Variants in SYT7 observed in about 807,000 individuals in gnomAD.
SYT7 encodes the protein synaptotagmin 7.
SYT7 carries 29 observed loss-of-function variants against 75.1 expected under a neutral mutation model. The ratio of observed to expected loss-of-function variants is 0.39; its 90% CI spans 0.29 to 0.53. SYT7 has a LOEUF of 0.53. Among genes scored for constraint, SYT7 ranks in the 20% least tolerant of loss-of-function variants. The pLI, the probability that SYT7 is intolerant of heterozygous loss-of-function variation, is 0.77. For missense variants in SYT7, 693 were observed against 953.2 expected (o/e 0.73, Z 3.59); for synonymous variants, 376 against 401.7 (o/e 0.94, Z 0.76).
At chr11:61,543,582 G>T (rs1017136478) in intron 5 of SYT7, among the ~76,000 whole-genome samples, 2 of 152,202 alleles carry the variant, frequency 1.3e-5, no homozygotes, top group Admixed American at 6.5e-5. Context: ...ACCTCTCTGG[G>T]CCTCAGTTTC....
rs573523638 is a variant in SYT7, at chr11:61,524,760, G to A, written c.1472-228C>T. On this transcript the variant is annotated intron_variant, in intron 9 of 12. Transcript: ENST00000539008. This position sits in a 1 kb window ranked among gnomAD's most constrained non-coding sequence, Gnocchi z 4.1. ...AATTCTCCAAGGTGAATGGCATCTC[G>A]TCCATCTTACAGATGAGGCTCAGAC... 2.3e-5 allele frequency: 11 copies of A among 484,856 alleles called. No individual in the cohort carries two copies. The highest frequency in any genetic ancestry group is 6.0e-5 in the African/African-American group (3 of 50,070). 30.0% of individuals were successfully genotyped at this position (484,856 alleles called of 1,614,324 possible).
At chr11:61,548,678 C>A (rs1203289576) in intron 3 of SYT7, among the ~76,000 whole-genome samples, 1 of 152,100 alleles carries the variant, frequency 6.6e-6, no homozygotes, top group Non-Finnish European at 1.5e-5. Flanking sequence ...CACACCCCAC[C>A]CCCCAGGATC....
rs947830754 is a variant in SYT7 at position 61,513,861 on chromosome 11, T to C, written c.*4766A>G. 3.3e-5 allele frequency among the ~76,000 whole-genome samples: 5 copies of C among 152,188 alleles called. No individual in the cohort carries two copies. In the East Asian group the frequency reaches 7.7e-4, roughly 23 times the overall value. On this transcript the variant is annotated 3_prime_UTR_variant, in exon 13 of 13. Transcript: ENST00000539008. ...ACACAGACACGGGGAGCGGGGCGTC[T>C]TCACGGGAAACAGATGGTCTGGGGA...
Position 61,556,130 on chromosome 11 carries a change from G to T in SYT7, c.109C>A (p.Leu37Ile). 1 of 1,613,992 alleles carries T rather than the reference G, an allele frequency of 6.2e-7. No homozygotes were observed. The highest frequency in any genetic ancestry group is 8.5e-7 in the Non-Finnish European group (1 of 1,179,956). ...SLSVTVVLCG[L>I]CHWCQRKLGK... ...AGTTTGCGCTGACACCAGTGGCAGAGGCCGCAGAGGACGACAGTGACGCTA... is the reference window on the plus strand; with the variant it reads ...AGTTTGCGCTGACACCAGTGGCAGATGCCGCAGAGGACGACAGTGACGCTA... Residue 37 changes from leucine (L) to isoleucine (I), a missense_variant, in exon 2 of 13, where the codon CTC becomes ATC. Leu to Ile is a conservative substitution (Grantham distance 5). Around this residue, in one of 2 missense-constraint regions of SYT7, gnomAD observed 487 missense variants for 593.2 expected, o/e 0.82. Transcript: ENST00000539008.
At chr11:61,541,147 G>A (rs576300892) in intron 6 of SYT7, 81 of 985,482 alleles carry the variant, frequency 8.2e-5, no homozygotes, top group African/African-American at 1.0e-4. Context: ...AGGATGCTCC[G>A]AGGAACTTGC....
At chr11:61,519,966 G>A (rs907614600) in intron 12 of SYT7, among the ~76,000 whole-genome samples, 1 of 151,904 alleles carries the variant, frequency 6.6e-6, no homozygotes, top group East Asian at 1.9e-4. Flanking sequence ...GATTACAGGC[G>A]CCCGCCACCA....
intron 8 of SYT7, among the ~76,000 whole-genome samples, chr11:61,532,188 A>G (rs2062733335): frequency 6.6e-6 from 1 of 152,192 alleles, no homozygotes; most frequent in Non-Finnish European, 1.5e-5. Flanking sequence ...GTCCCAGGTC[A>G]AGTCCAGTAG....
rs754643485 is a variant in SYT7, at chr11:61,524,387, A to G, written c.1617T>C (p.Asp539=). The G allele has an allele frequency of 8.7e-6, 14 of 1,614,120 alleles. No individual in the cohort carries two copies. The highest frequency in any genetic ancestry group is 1.2e-5 in the Non-Finnish European group (14 of 1,179,976). Residue 539 remains aspartate (D), a synonymous_variant, in exon 10 of 13, where the codon GAT becomes GAC. Transcript: ENST00000539008. This position sits in a 1 kb window ranked among gnomAD's most constrained non-coding sequence, Gnocchi z 4.1. ...DLTQMQTFWK[D]LKPCSDGSGS... Reference sequence around the variant, plus strand: ...CACTCCCATCGCTGCATGGCTTCAGATCCTTCCAGAAGGTCTGCATCTGGG... The same window carrying G: ...CACTCCCATCGCTGCATGGCTTCAGGTCCTTCCAGAAGGTCTGCATCTGGG...
upstream of SYT7, among the ~76,000 whole-genome samples, chr11:61,583,460 G>C (rs1041100430): frequency 6.6e-6 from 1 of 152,220 alleles, no homozygotes; most frequent in Admixed American, 6.5e-5. Context: ...GCTGCCCCTT[G>C]CAAGTGTCAG....
At chr11:61,584,189 A>G (rs1431593744), upstream of SYT7, among the ~76,000 whole-genome samples, 1 of 152,142 alleles carries the variant, frequency 6.6e-6, no homozygotes, top group Non-Finnish European at 1.5e-5. Context: ...GGAGTTCGAG[A>G]CTAGCCTGAC....
At chr11:61,581,137 G>A, upstream of SYT7, 6 of 172,428 alleles carry the variant, frequency 3.5e-5, no homozygotes, top group Non-Finnish European at 6.7e-5. Context: ...GCGCGTGTGT[G>A]AGCGCGCCCG....
At position 61,516,600 on chromosome 11, in the gene SYT7, C is replaced by T. The variant is rs570181485; in HGVS notation, c.*2027G>A. 5 of 152,104 alleles carry T rather than the reference C, an allele frequency of 3.3e-5. No individual in the cohort carries two copies. Among genetic ancestry groups the T allele is most frequent in the African/African-American group, 7.2e-5 (3 of 41,430 alleles). The allele number at this position is 152,104 out of a possible 1,614,324, so 9.4% of individuals were successfully genotyped here. ...CCCCTCCTCCGCTCAAGACTTCCCACCACACTCTCTCCCACGTCCACGAGG... is the reference window on the plus strand; with the variant it reads ...CCCCTCCTCCGCTCAAGACTTCCCATCACACTCTCTCCCACGTCCACGAGG... On this transcript the variant is annotated 3_prime_UTR_variant, in exon 13 of 13. Transcript: ENST00000539008. This position sits in a 1 kb window ranked among gnomAD's most constrained non-coding sequence, Gnocchi z 4.6.
At chr11:61,557,150 C>G (rs2063520465) in intron 1 of SYT7, among the ~76,000 whole-genome samples, 1 of 152,142 alleles carries the variant, frequency 6.6e-6, no homozygotes, top group Non-Finnish European at 1.5e-5. Context: ...AACATTAGCC[C>G]AAACCAAATG....
At chr11:61,527,796 T>A in intron 9 of SYT7, 119 bp downstream of exon 9, 1 of 1,204,146 alleles carries the variant, frequency 8.3e-7, no homozygotes, top group Non-Finnish European at 1.2e-6. Flanking sequence ...TGTGCATTTG[T>A]GGGCCTGCAG....
intron 1 of SYT7, among the ~76,000 whole-genome samples, chr11:61,572,975 AG>A (rs1377247966): frequency 2.6e-5 from 4 of 152,230 alleles, no homozygotes; most frequent in Non-Finnish European, 5.9e-5. Context: ...CCTCAGTGTG[AG>A]GGCGTTTGCC....
rs966872150 is a variant in SYT7 at position 61,547,342 on chromosome 11, G to C, written c.216-34C>G. ...GCAGAGAGAGAGGGGAGAAAACAGGGAGATACAAGAAGAAACAAGAACTGC... is the reference window on the plus strand; with the variant it reads ...GCAGAGAGAGAGGGGAGAAAACAGGCAGATACAAGAAGAAACAAGAACTGC... On this transcript the variant is annotated intron_variant, in intron 3 of 12. Coordinates refer to ENST00000539008, the MANE Select transcript of SYT7 (RefSeq NM_001365809.2). The C allele has an allele frequency of 7.2e-6, 11 of 1,533,820 alleles. No homozygotes were observed. In the Admixed American group the frequency reaches 1.8e-4, roughly 25 times the overall value.
chr11:61,581,130 C>CG (rs1431643483), upstream of SYT7: 8 of 175,430 alleles, frequency 4.6e-5, no homozygotes, highest in South Asian at 1.3e-3. Context: ...TGTGTGAGCG[C>CG]GTGTGTGAGC....
the SYT7 span, among the ~76,000 whole-genome samples, chr11:61,587,993 A>C: frequency 6.6e-6 from 1 of 152,190 alleles, no homozygotes; most frequent in African/African-American, 2.4e-5. Context: ...CTCTGCCCTA[A>C]CTGGAGTTGA....
At chr11:61,552,202 TGGGCCTGCTGCCGGGAAGGTGAGCACCA>T (rs951455600) in intron 2 of SYT7, among the ~76,000 whole-genome samples, 1 of 152,122 alleles carries the variant, frequency 6.6e-6, no homozygotes, top group African/African-American at 2.4e-5. Flanking sequence ...CAGCGGCAAC[TGGGCCTGCTGCCGGGAAGGTGAGCACCA>T]TTCACCTTCT....
Sources: gnomAD v4.1 joint callset for allele counts (sites outside exome capture counted in the v4.1 genomes callset) on GRCh38, gnomAD v4.1.1 for gene constraint, gnomAD v4.1.1 regional missense constraint, Gnocchi (gnomAD v3.1) non-coding constraint, MANE v1.5 for transcripts, NCBI Gene and HGNC (gene_info 2026-07-23, HGNC 2026-07-21) for gene names.